SDK1: variants seen among roughly 807,000 people sequenced by gnomAD.
SDK1 encodes the protein sidekick cell adhesion molecule 1.
In SDK1, 157 loss-of-function variants were observed where a neutral mutation model predicts 245.5. The observed-to-expected ratio is 0.64, with a 90% CI of 0.56 to 0.73. The LOEUF (loss-of-function observed/expected upper bound fraction) is 0.73, where lower values mean the gene tolerates loss of function less well. Among genes scored for constraint, SDK1 ranks in the 30% least tolerant of loss-of-function variants. SDK1 has a pLI of 0.00. For missense variants in SDK1, 3,583 were observed against 3,002.3 expected (o/e 1.19, Z -4.52); for synonymous variants, 1,647 against 1,278.5 (o/e 1.29, Z -6.15).
intron 1 of SDK1, among the ~76,000 whole-genome samples, chr7:3,489,816 A>G (rs1215826911): frequency 6.6e-6 from 1 of 152,252 alleles, no homozygotes; most frequent in Non-Finnish European, 1.5e-5. Flanking sequence ...TGGTAAATGC[A>G]GCAAGATTCA....
chr7:3,592,073 T>G (rs1394670608), intron 1 of SDK1, among the ~76,000 whole-genome samples: 1 of 152,238 alleles, frequency 6.6e-6, no homozygotes, highest in Non-Finnish European at 1.5e-5. Flanking sequence ...TGTATCACTA[T>G]CAGCTCTATT....
chr7:3,357,651 C>A (rs1463301372), intron 1 of SDK1, among the ~76,000 whole-genome samples: 1 of 151,848 alleles, frequency 6.6e-6, no homozygotes, highest in Non-Finnish European at 1.5e-5. Flanking sequence ...CCAGCCCACT[C>A]CCCTTCCTCA....
At chr7:4,053,739 C>G (rs1310710764) in intron 19 of SDK1, among the ~76,000 whole-genome samples, 1 of 152,122 alleles carries the variant, frequency 6.6e-6, no homozygotes, top group Non-Finnish European at 1.5e-5. Flanking sequence ...ACATGGATTT[C>G]TTGACCCTCT....
chr7:4,052,175 C>CAA (rs1778900366), intron 19 of SDK1, among the ~76,000 whole-genome samples: 1 of 147,200 alleles, frequency 6.8e-6, no homozygotes, highest in African/African-American at 2.5e-5. Flanking sequence ...TGATCCCCCC[C>CAA]CCCCCGACGT....
rs187032137 is a variant in SDK1, at chr7:3,500,841, A to G, written c.299-118239A>G. 2.7e-3 allele frequency among the ~76,000 whole-genome samples: 404 copies of G among 147,930 alleles called. 1 individual carries two copies. Among genetic ancestry groups the G allele is most frequent in the African/African-American group, 9.6e-3 (384 of 40,042 alleles). On this transcript the variant is annotated intron_variant, in intron 1 of 44. Coordinates refer to ENST00000404826, the MANE Select transcript of SDK1 (RefSeq NM_152744.4). ...TTTTTTTCATTTTTTATTTTTTGAC[A>G]TTTTACTTTCTGGGAGATTTCATTT... is the stretch of plus-strand genomic sequence containing the variant.
intron 14 of SDK1, among the ~76,000 whole-genome samples, chr7:4,001,322 G>A (rs1006312124): frequency 6.6e-6 from 1 of 152,216 alleles, no homozygotes; most frequent in African/African-American, 2.4e-5. Flanking sequence ...GATATATCCA[G>A]TCACCATTTC....
At chr7:3,508,820 G>A (rs1185919795) in intron 1 of SDK1, among the ~76,000 whole-genome samples, 3 of 152,206 alleles carry the variant, frequency 2.0e-5, no homozygotes, top group African/African-American at 7.2e-5. Context: ...TTGAAGGCAG[G>A]AATGGCTGCT....
intron 17 of SDK1, among the ~76,000 whole-genome samples, chr7:4,025,125 T>C (rs745689735): frequency 1.3e-5 from 2 of 152,216 alleles, no homozygotes; most frequent in Non-Finnish European, 2.9e-5. Flanking sequence ...TATTCCATTC[T>C]GTTTCATTCT....
At chr7:4,102,913 C>A (rs1452278558) in intron 22 of SDK1, among the ~76,000 whole-genome samples, 3 of 145,132 alleles carry the variant, frequency 2.1e-5, no homozygotes, top group African/African-American at 7.7e-5. Context: ...TGCCTTTGTC[C>A]GAAATATCAT....
chr7:3,440,570 T>C (rs538172819), intron 1 of SDK1, among the ~76,000 whole-genome samples: 2 of 152,290 alleles, frequency 1.3e-5, no homozygotes, highest in Admixed American at 6.5e-5. Flanking sequence ...GTAACCCTTA[T>C]TTTAATTAAT....
chr7:3,770,608 C>T, intron 4 of SDK1, among the ~76,000 whole-genome samples: 1 of 152,186 alleles, frequency 6.6e-6, no homozygotes. Context: ...AGCCTGGGCA[C>T]TTGTTGTGGA....
intron 17 of SDK1, among the ~76,000 whole-genome samples, chr7:4,020,518 C>T (rs1031035613): frequency 6.6e-5 from 10 of 152,080 alleles, no homozygotes; most frequent in Non-Finnish European, 1.2e-4. Context: ...GAAGGGAAGA[C>T]GGGGGCAATG....
At chr7:3,640,015 C>G (rs1051734002) in intron 3 of SDK1, among the ~76,000 whole-genome samples, 1 of 152,118 alleles carries the variant, frequency 6.6e-6, no homozygotes, top group Non-Finnish European at 1.5e-5. Context: ...CCTGGCTAAT[C>G]TGGCTAATTT....
intron 1 of SDK1, among the ~76,000 whole-genome samples, chr7:3,523,684 C>T (rs1353601980): frequency 1.3e-5 from 2 of 152,154 alleles, no homozygotes; most frequent in South Asian, 2.1e-4. Flanking sequence ...AAGTCTGGGA[C>T]TCCCAGCCTC....
In SDK1 at chr7:3,867,071, G is replaced by T. The variant is rs547155455; in HGVS notation, c.847+45488G>T. On this transcript the variant is annotated intron_variant, in intron 5 of 44. Coordinates refer to ENST00000404826, the MANE Select transcript of SDK1 (RefSeq NM_152744.4). ...GAGTGGGCGCAGGCCTTCATTCCCC[G>T]TGCTAATGGAAAAGCCGTATTTTTC... 2.0e-5 allele frequency among the ~76,000 whole-genome samples: 3 copies of T among 152,242 alleles called. No homozygotes were observed. The East Asian group carries it at 5.8e-4, about 29-fold the overall frequency.
intron 1 of SDK1, among the ~76,000 whole-genome samples, chr7:3,595,938 C>G (rs1191470833): frequency 6.9e-6 from 1 of 145,548 alleles, no homozygotes; most frequent in East Asian, 2.0e-4. Flanking sequence ...GGTGTTTTAA[C>G]CTGTCTAATG....
At chr7:3,733,163 CT>C (rs1412507457) in intron 4 of SDK1, among the ~76,000 whole-genome samples, 3 of 152,174 alleles carry the variant, frequency 2.0e-5, no homozygotes, top group African/African-American at 7.2e-5. Context: ...GGATGGCTCC[CT>C]GTGCAATGTC....
chr7:3,937,312 C>T (rs1007514367), intron 5 of SDK1, among the ~76,000 whole-genome samples: 1 of 152,196 alleles, frequency 6.6e-6, no homozygotes, highest in African/African-American at 2.4e-5. Context: ...AATGCCTGTG[C>T]TCATGGTCAT....
In SDK1 at chr7:4,245,876, C is replaced by T. The variant is rs10240412; in HGVS notation, c.6381+71C>T. 2.5e-6 allele frequency: 4 copies of T among 1,575,332 alleles called. No individual in the cohort carries two copies. The African/African-American group carries it at 5.4e-5, about 21-fold the overall frequency. The stretch of plus-strand genomic sequence containing the variant: ...TTCTGCAGTGAGACTTCTGCCCCCT[C>T]AGGCTGTCTTGTCCTATTTGAGTCT... On this transcript the variant is annotated intron_variant, in intron 44 of 44. Coordinates refer to ENST00000404826, the MANE Select transcript of SDK1 (RefSeq NM_152744.4).
Sources: gnomAD v4.1 joint callset for allele counts (sites outside exome capture counted in the v4.1 genomes callset) on GRCh38, gnomAD v4.1.1 for gene constraint, MANE v1.5 for transcripts, NCBI Gene and HGNC (gene_info 2026-07-23, HGNC 2026-07-21) for gene names.